FHDC1: variants seen among roughly 807,000 people sequenced by gnomAD.
FHDC1 encodes FH2 domain containing 1.
In FHDC1, 25 loss-of-function variants were observed where a neutral mutation model predicts 52.6. The ratio of observed to expected loss-of-function variants is 0.48; its 90% CI spans 0.35 to 0.66. FHDC1 has a LOEUF of 0.66. Ranked by LOEUF, FHDC1 falls within the 30% of genes least tolerant of loss-of-function variation. FHDC1 has a pLI of 0.01. For missense variants in FHDC1, 1,459 were observed against 1,452.8 expected (o/e 1.00, Z -0.07); for synonymous variants, 616 against 581.5 (o/e 1.06, Z -0.85).
At chr4:152,919,881 A>G in the FHDC1 span, among the ~76,000 whole-genome samples, 1 of 150,622 alleles carries the variant, frequency 6.6e-6, no homozygotes. Flanking sequence ...AAGGTCACCC[A>G]GGGGAGACAG....
chr4:152,922,110 C>T, the FHDC1 span, among the ~76,000 whole-genome samples: 2 of 152,012 alleles, frequency 1.3e-5, no homozygotes, highest in African/African-American at 2.4e-5. Context: ...AGACCACTAG[C>T]AAGACTAACA....
At chr4:152,935,809 G>A (rs1739347765), upstream of FHDC1, among the ~76,000 whole-genome samples, 1 of 150,328 alleles carries the variant, frequency 6.7e-6, no homozygotes, top group African/African-American at 2.4e-5. Flanking sequence ...GGTCTGGCGC[G>A]TGCGTCGGGG....
chr4:152,927,682 A>T, the FHDC1 span: 3 of 1,569,002 alleles, frequency 1.9e-6, no homozygotes, highest in African/African-American at 2.7e-5. Context: ...AAAACATGGT[A>T]AGAGGCTTAG....
upstream of FHDC1, among the ~76,000 whole-genome samples, chr4:152,932,222 A>T (rs63409460): frequency 7.3e-4 from 12 of 16,548 alleles, no homozygotes; most frequent in African/African-American, 4.7e-3. Flanking sequence ...TGTCTCTATT[A>T]AAAAAAAATT....
At position 152,975,943 on chromosome 4, in the gene FHDC1, G is replaced by A. The variant is rs753995925; in HGVS notation, c.2652G>A (p.Gln884=). 3 of 1,514,434 alleles carry A rather than the reference G, an allele frequency of 2.0e-6. No homozygotes were observed. The African/African-American group carries it at 4.2e-5, about 21-fold the overall frequency. 93.8% of individuals were successfully genotyped at this position (1,514,434 alleles called of 1,614,324 possible). The part of the protein sequence containing the change: ...ASKPGSARRS[Q]GAVAKSVRTL... ...AGCCCGGGAGCGCCCGGCGGAGCCA[G>A]GGGGCAGTGGCCAAGTCTGTGCGGA... is the stretch of plus-strand genomic sequence containing the variant. The change falls in exon 12 of 12, where the codon CAG becomes CAA. Residue 884 remains glutamine (Q), a synonymous_variant. Coordinates refer to ENST00000511601, the MANE Select transcript of FHDC1 (RefSeq NM_001371116.1).
intron 7 of FHDC1, 54 bp from the exon 8 acceptor site, chr4:152,962,969 G>GTA (rs1740326761): frequency 6.6e-7 from 1 of 1,519,814 alleles, no homozygotes; most frequent in Non-Finnish European, 9.1e-7. Flanking sequence ...GTGTGTGTGT[G>GTA]TGTGTGTGTG....
intron 1 of FHDC1, among the ~76,000 whole-genome samples, chr4:152,939,366 C>G (rs575754518): frequency 6.6e-6 from 1 of 152,158 alleles, no homozygotes; most frequent in East Asian, 1.9e-4. Flanking sequence ...GATCTCCTGA[C>G]CTCGTGATCT....
chr4:152,968,463 G>T (rs190364716), intron 10 of FHDC1, among the ~76,000 whole-genome samples: 2 of 151,908 alleles, frequency 1.3e-5, no homozygotes, highest in Admixed American at 6.6e-5. Context: ...GTAGCTGGGG[G>T]CTACAGGCAT....
chr4:152,924,330 G>A, the FHDC1 span, among the ~76,000 whole-genome samples: 1 of 152,166 alleles, frequency 6.6e-6, no homozygotes, highest in South Asian at 2.1e-4. Flanking sequence ...ACACCAGTTA[G>A]AATGGCAATC....
At chr4:152,974,213 C>T (rs1311033434) in intron 11 of FHDC1, among the ~76,000 whole-genome samples, 1 of 152,122 alleles carries the variant, frequency 6.6e-6, no homozygotes, top group Non-Finnish European at 1.5e-5. Flanking sequence ...CTTTAAATAC[C>T]CACAGTATTT....
At chr4:152,919,648 T>C in the FHDC1 span, among the ~76,000 whole-genome samples, 1 of 152,344 alleles carries the variant, frequency 6.6e-6, no homozygotes, top group South Asian at 2.1e-4. Context: ...TAGAATATAT[T>C]TGGACAGTTG....
At position 152,960,728 on chromosome 4, in the gene FHDC1, C is replaced by T; in HGVS notation, c.750-16C>T. On this transcript the variant is annotated splice_polypyrimidine_tract_variant and intron_variant, in intron 5 of 11. Coordinates refer to ENST00000511601, the MANE Select transcript of FHDC1 (RefSeq NM_001371116.1). ...AATGACATCAAATTCTACAGTTTTA[C>T]TTTTTTATTTTTCAGCTATTCACTT... The T allele has an allele frequency of 1.2e-6, 2 of 1,609,922 alleles. No homozygotes were observed. Among genetic ancestry groups the T allele is most frequent in the Non-Finnish European group, 1.7e-6 (2 of 1,178,298 alleles).
chr4:152,923,770 G>T, the FHDC1 span, among the ~76,000 whole-genome samples: 21 of 152,008 alleles, frequency 1.4e-4, no homozygotes, highest in Admixed American at 1.2e-3. Context: ...GATTCCCTAT[G>T]TAATAAATGG....
chr4:152,919,436 G>A, the FHDC1 span, among the ~76,000 whole-genome samples: 2 of 152,230 alleles, frequency 1.3e-5, no homozygotes, highest in African/African-American at 4.8e-5. Flanking sequence ...TGTTTGTTGG[G>A]TGGGGAAGAA....
At chr4:152,914,209 T>C in the FHDC1 span, among the ~76,000 whole-genome samples, 1 of 152,180 alleles carries the variant, frequency 6.6e-6, no homozygotes, top group Non-Finnish European at 1.5e-5. Flanking sequence ...GCAAACAATT[T>C]TTTTGAGGAC....
chr4:152,921,906 G>A, the FHDC1 span, among the ~76,000 whole-genome samples: 1 of 152,092 alleles, frequency 6.6e-6, no homozygotes, highest in African/African-American at 2.4e-5. Flanking sequence ...GAGAAAGCAG[G>A]AAAGATCCAA....
chr4:152,923,383 T>A, the FHDC1 span, among the ~76,000 whole-genome samples: 1 of 152,104 alleles, frequency 6.6e-6, no homozygotes, highest in African/African-American at 2.4e-5. Context: ...GGAAGAACAT[T>A]CCATGCTCAT....
At chr4:152,936,811 C>G (rs997178898) in intron 1 of FHDC1, among the ~76,000 whole-genome samples, 1 of 152,262 alleles carries the variant, frequency 6.6e-6, no homozygotes, top group Non-Finnish European at 1.5e-5. Flanking sequence ...CCTAGTTTAT[C>G]CCGACCCTTG....
At chr4:152,919,724 T>C in the FHDC1 span, among the ~76,000 whole-genome samples, 1 of 152,114 alleles carries the variant, frequency 6.6e-6, no homozygotes, top group East Asian at 1.9e-4. Flanking sequence ...CATTTAGCAA[T>C]TTATATGACT....
Sources: allele counts gnomAD v4.1 joint callset (sites outside exome capture counted in the v4.1 genomes callset), GRCh38; gene constraint gnomAD v4.1.1; transcripts MANE v1.5; gene names NCBI Gene and HGNC (gene_info 2026-07-23, HGNC 2026-07-21).